Variants in DEDD2 observed in about 807,000 individuals in gnomAD.
DEDD2 encodes the protein death effector domain containing 2.
In DEDD2, 18 loss-of-function variants were observed where a neutral mutation model predicts 28.9. That is an observed-to-expected ratio of 0.62 (90% CI 0.43 to 0.92). The LOEUF (loss-of-function observed/expected upper bound fraction) is 0.92. Ranked by LOEUF, DEDD2 falls within the 40% of genes least tolerant of loss-of-function variation. The pLI is 0.00. For missense variants in DEDD2, 411 were observed against 463.3 expected (o/e 0.89, Z 1.04); for synonymous variants, 211 against 206.1 (o/e 1.02, Z -0.20).
chr19:42,204,840 C>T (rs11083651), intron 4 of DEDD2, among the ~76,000 whole-genome samples: 2 of 151,678 alleles, frequency 1.3e-5, no homozygotes, highest in East Asian at 1.9e-4. Flanking sequence ...TTGCCTCCCT[C>T]GTCTCTTCTC....
chr19:42,217,073 A>G (rs1456582013), intron 1 of DEDD2, 28 bp from the exon 2 acceptor site: 1 of 1,488,878 alleles, frequency 6.7e-7, no homozygotes, highest in Non-Finnish European at 9.1e-7. Flanking sequence ...GGGAGGGGGC[A>G]GTGGTCAGCG....
rs74710372 is a variant in DEDD2, at chr19:42,204,080, C to T, written c.590-4251G>A. ...TGCACTCAGGTGGGCCCAGCACCCT[C>T]TTGTCCCCCACCCCCACCTCACCAG... On this transcript the variant is annotated intron_variant, in intron 4 of 4. Coordinates refer to ENST00000596251, the MANE Select transcript of DEDD2 (RefSeq NM_133328.4). Among the ~76,000 whole-genome samples, 234 of 152,316 alleles carry T rather than the reference C, an allele frequency of 1.5e-3. 3 individuals carry two copies. The East Asian group carries it at 0.037, about 24-fold the overall frequency.
intron 2 of DEDD2, among the ~76,000 whole-genome samples, 159 bp from the exon 3 acceptor site, chr19:42,215,411 C>T (rs1221443014): frequency 6.6e-6 from 1 of 152,222 alleles, no homozygotes; most frequent in East Asian, 1.9e-4. Context: ...GCTCAGATGC[C>T]TCCTAAGAGA....
intron 4 of DEDD2, among the ~76,000 whole-genome samples, chr19:42,202,319 G>C (rs941004983): frequency 6.6e-6 from 1 of 151,936 alleles, no homozygotes; most frequent in African/African-American, 2.4e-5. Flanking sequence ...CCCATACCCT[G>C]CACTCCAGTC....
chr19:42,215,746 C>A (rs906951704), intron 2 of DEDD2, among the ~76,000 whole-genome samples: 2 of 152,142 alleles, frequency 1.3e-5, no homozygotes, highest in African/African-American at 4.8e-5. Flanking sequence ...TAGCCACTGC[C>A]CCTTTAGTAA....
intron 4 of DEDD2, among the ~76,000 whole-genome samples, chr19:42,200,880 G>A (rs1011520958): frequency 6.6e-6 from 1 of 152,188 alleles, no homozygotes; most frequent in Admixed American, 6.5e-5. Flanking sequence ...AGGCTATCCT[G>A]TAATCATGAA....
chr19:42,206,094 A>G (rs1189884384), intron 4 of DEDD2, among the ~76,000 whole-genome samples: 2 of 151,990 alleles, frequency 1.3e-5, no homozygotes, highest in Admixed American at 6.6e-5. Flanking sequence ...TTTAAAAAAA[A>G]AAAAAAAAAT....
At position 42,199,365 on chromosome 19, in the gene DEDD2, G is replaced by A. The variant is rs770938829; in HGVS notation, c.*73C>T. 6.7e-5 allele frequency: 98 copies of A among 1,465,224 alleles called. No individual in the cohort carries two copies. Among genetic ancestry groups the A allele is most frequent in the Admixed American group, 1.0e-4 (4 of 40,058 alleles). The allele number at this position is 1,465,224 out of a possible 1,614,324, so 90.8% of individuals were successfully genotyped here. Reference sequence around the variant, plus strand: ...ATGCTAGAGTGACAGTCCTCTAGGGGTAGAGATGGTCGTCCTCCCAGGAGA... The same window carrying A: ...ATGCTAGAGTGACAGTCCTCTAGGGATAGAGATGGTCGTCCTCCCAGGAGA... On this transcript the variant is annotated 3_prime_UTR_variant, in exon 5 of 5. Transcript: ENST00000596251. The surrounding 1 kb of genome is among the most constrained non-coding windows in gnomAD (Gnocchi z 7.4).
intron 2 of DEDD2, among the ~76,000 whole-genome samples, chr19:42,216,316 A>C (rs975013659): frequency 1.3e-5 from 2 of 152,228 alleles, no homozygotes; most frequent in African/African-American, 4.8e-5. Context: ...TTATACGTGC[A>C]AACTGCTTAA....
intron 3 of DEDD2, among the ~76,000 whole-genome samples, chr19:42,210,560 AT>A (rs1333159178): frequency 6.6e-6 from 1 of 151,764 alleles, no homozygotes; most frequent in Admixed American, 6.6e-5. Flanking sequence ...CAACCGGCTA[AT>A]TTTTTGTATT....
In DEDD2 at chr19:42,199,362, G is replaced by A; in HGVS notation, c.*76C>T. The A allele has an allele frequency of 6.9e-7, 1 of 1,457,084 alleles. No individual in the cohort carries two copies. Among genetic ancestry groups the A allele is most frequent in the South Asian group, 1.4e-5 (1 of 70,736 alleles). The allele number at this position is 1,457,084 out of a possible 1,614,324, so 90.3% of individuals were successfully genotyped here. A position where few individuals can be genotyped will look rare whatever the true frequency, so the allele number is the denominator to read the frequency against. ...AAGATGCTAGAGTGACAGTCCTCTA[G>A]GGGTAGAGATGGTCGTCCTCCCAGG... On this transcript the variant is annotated 3_prime_UTR_variant, in exon 5 of 5. Coordinates refer to ENST00000596251, the MANE Select transcript of DEDD2 (RefSeq NM_133328.4). The surrounding 1 kb of genome is among the most constrained non-coding windows in gnomAD (Gnocchi z 7.4).
chr19:42,208,112 C>T (rs2035605442), intron 4 of DEDD2, among the ~76,000 whole-genome samples: 1 of 152,174 alleles, frequency 6.6e-6, no homozygotes, highest in African/African-American at 2.4e-5. Context: ...CCTGAGAGCT[C>T]GAAGACCATA....
At chr19:42,210,826 T>C (rs1399752134) in intron 3 of DEDD2, among the ~76,000 whole-genome samples, 2 of 151,894 alleles carry the variant, frequency 1.3e-5, no homozygotes, top group Non-Finnish European at 2.9e-5. Flanking sequence ...CCAGCACTTT[T>C]GGAAGGCCGA....
rs1184134694 is a variant in DEDD2 at position 42,216,673 on chromosome 19, A to G, written c.328+7T>C. 3 of 1,557,688 alleles carry G rather than the reference A, an allele frequency of 1.9e-6. No individual in the cohort carries two copies. Among genetic ancestry groups the G allele is most frequent in the Non-Finnish European group, 1.7e-6 (2 of 1,158,288 alleles). ...AGGAAGTGTGACACCCTCCCATTCA[A>G]CCGTACCTGGCCGGCGCCGCTTGCG... On this transcript the variant is annotated splice_region_variant and intron_variant, in intron 2 of 4. Coordinates refer to ENST00000596251, the MANE Select transcript of DEDD2 (RefSeq NM_133328.4).
intron 2 of DEDD2, 100 bp downstream of exon 2, chr19:42,216,580 T>G: frequency 8.4e-7 from 1 of 1,197,156 alleles, no homozygotes; most frequent in Non-Finnish European, 1.1e-6. Flanking sequence ...GGACATAAGC[T>G]GCCTGATATG....
chr19:42,203,156 T>C (rs753968544), intron 4 of DEDD2, among the ~76,000 whole-genome samples: 69 of 152,214 alleles, frequency 4.5e-4, no homozygotes, highest in Admixed American at 2.2e-3. Context: ...CTCACGTGTA[T>C]GGCTCCAGTG....
At chr19:42,209,648 T>G in intron 4 of DEDD2, 52 bp downstream of exon 4, 1 of 1,550,802 alleles carries the variant, frequency 6.4e-7, no homozygotes, top group Non-Finnish European at 8.7e-7. Flanking sequence ...TCCCACCCTC[T>G]GAACCCACCC....
At chr19:42,213,975 G>A (rs534496193) in intron 3 of DEDD2, among the ~76,000 whole-genome samples, 31 of 152,210 alleles carry the variant, frequency 2.0e-4, no homozygotes, top group African/African-American at 7.2e-4. Flanking sequence ...TATTCTCCAC[G>A]GATGCCTAAT....
intron 3 of DEDD2, among the ~76,000 whole-genome samples, chr19:42,214,014 A>G (rs531919262): frequency 2.1e-4 from 32 of 152,222 alleles, no homozygotes; most frequent in Non-Finnish European, 3.2e-4. Context: ...GATGTCTGTA[A>G]TTTACTTTCA....
Sources: gnomAD v4.1 joint callset for allele counts (sites outside exome capture counted in the v4.1 genomes callset) on GRCh38, gnomAD v4.1.1 for gene constraint, Gnocchi (gnomAD v3.1) non-coding constraint, MANE v1.5 for transcripts, NCBI Gene and HGNC (gene_info 2026-07-23, HGNC 2026-07-21) for gene names.